Variants in PPARGC1A observed in about 807,000 individuals in gnomAD.
PPARGC1A encodes the protein PPARG coactivator 1 alpha, also known as peroxisome proliferator-activated receptor gamma coactivator 1-alpha.
In PPARGC1A, 25 loss-of-function variants were observed where a neutral mutation model predicts 88.7. That is an observed-to-expected ratio of 0.28 (90% CI 0.21 to 0.39). The LOEUF (loss-of-function observed/expected upper bound fraction) is 0.39. Ranked by LOEUF, PPARGC1A falls within the 10% of genes least tolerant of loss-of-function variation. PPARGC1A has a pLI of 1.00. For synonymous variants in PPARGC1A, 363 were observed against 355.6 expected (o/e 1.02, Z -0.24); for missense variants, 880 against 968.7 (o/e 0.91, Z 1.22).
At chr4:23,897,168 T>C (rs557741954) in intron 1 of PPARGC1A, among the ~76,000 whole-genome samples, 1 of 152,358 alleles carries the variant, frequency 6.6e-6, no homozygotes, top group Admixed American at 6.5e-5. Flanking sequence ...CCTGGGCCTT[T>C]TCTGCAGATC....
intron 2 of PPARGC1A, among the ~76,000 whole-genome samples, chr4:23,866,420 C>G (rs1365188592): frequency 6.6e-6 from 1 of 152,146 alleles, no homozygotes; most frequent in Admixed American, 6.5e-5. Context: ...AATTTCAAAA[C>G]AGCAAAGCTT....
At chr4:24,165,205 T>G in the PPARGC1A span, among the ~76,000 whole-genome samples, 7 of 152,168 alleles carry the variant, frequency 4.6e-5, no homozygotes, top group Admixed American at 4.6e-4. Context: ...TTTAATTTTT[T>G]TATTTAAAAA....
chr4:24,325,049 G>C, the PPARGC1A span, among the ~76,000 whole-genome samples: 1 of 152,100 alleles, frequency 6.6e-6, no homozygotes, highest in African/African-American at 2.4e-5. Context: ...CTCTTAAAAA[G>C]GTGGCTGGAG....
the PPARGC1A span, among the ~76,000 whole-genome samples, chr4:23,943,577 C>T: frequency 6.6e-6 from 1 of 152,020 alleles, no homozygotes; most frequent in East Asian, 1.9e-4. Flanking sequence ...TGTGGAACAT[C>T]CATGCAATGT....
chr4:24,229,685 A>T, the PPARGC1A span, among the ~76,000 whole-genome samples: 5 of 151,776 alleles, frequency 3.3e-5, no homozygotes, highest in African/African-American at 1.2e-4. Flanking sequence ...ATAAAGAATA[A>T]TAATACAAAA....
At chr4:23,836,347 A>G (rs1429706173) in intron 2 of PPARGC1A, among the ~76,000 whole-genome samples, 2 of 152,148 alleles carry the variant, frequency 1.3e-5, no homozygotes, top group African/African-American at 2.4e-5. Flanking sequence ...GTGGGTGTCA[A>G]CCTTGGGTTC....
the PPARGC1A span, among the ~76,000 whole-genome samples, chr4:24,194,869 C>A: frequency 6.6e-6 from 1 of 152,136 alleles, no homozygotes; most frequent in African/African-American, 2.4e-5. Context: ...CAACCAAAAT[C>A]TTTTCCAGCA....
the PPARGC1A span, among the ~76,000 whole-genome samples, chr4:24,464,092 G>C: frequency 4.6e-5 from 7 of 152,180 alleles, no homozygotes; most frequent in African/African-American, 1.4e-4. Flanking sequence ...ATAAAATGCA[G>C]TTGTTCCATG....
At chr4:24,465,353 A>G in the PPARGC1A span, among the ~76,000 whole-genome samples, 3 of 152,238 alleles carry the variant, frequency 2.0e-5, no homozygotes, top group Non-Finnish European at 4.4e-5. Flanking sequence ...TCCGAAAGAA[A>G]GAAACATTTT....
At chr4:23,818,839 CTTTTTTTT>C (rs762478316) in intron 7 of PPARGC1A, among the ~76,000 whole-genome samples, 4 of 49,004 alleles carry the variant, frequency 8.2e-5, no homozygotes, top group Non-Finnish European at 1.4e-4. Flanking sequence ...CCAATGGCAT[CTTTTTTTT>C]TTTTTTTTTT....
At chr4:24,342,948 G>A in the PPARGC1A span, among the ~76,000 whole-genome samples, 1 of 152,158 alleles carries the variant, frequency 6.6e-6, no homozygotes, top group African/African-American at 2.4e-5. Context: ...AGAAAACTGG[G>A]CTAGAGAGAC....
At chr4:23,951,036 C>T in the PPARGC1A span, among the ~76,000 whole-genome samples, 2,849 of 152,212 alleles carry the variant, frequency 0.019, 83 homozygotes, top group Admixed American at 0.083. Flanking sequence ...CACAATTGTT[C>T]AGTTCAACAA....
chr4:24,112,929 A>G, the PPARGC1A span, among the ~76,000 whole-genome samples: 1 of 152,214 alleles, frequency 6.6e-6, no homozygotes, highest in Non-Finnish European at 1.5e-5. Flanking sequence ...AGCTGTCAAA[A>G]ACAACTCCTA....
chr4:23,980,273 G>A, the PPARGC1A span, among the ~76,000 whole-genome samples: 151 of 149,676 alleles, frequency 1.0e-3, 4 homozygotes, highest in South Asian at 0.015. Flanking sequence ...TCATCTATCT[G>A]CTCAAACATC....
the PPARGC1A span, among the ~76,000 whole-genome samples, chr4:24,211,193 C>G: frequency 6.6e-6 from 1 of 151,928 alleles, no homozygotes; most frequent in Non-Finnish European, 1.5e-5. Flanking sequence ...AAACTCGTGA[C>G]TAGATGAAAA....
At chr4:24,184,784 C>A in the PPARGC1A span, among the ~76,000 whole-genome samples, 1 of 152,066 alleles carries the variant, frequency 6.6e-6, no homozygotes, top group African/African-American at 2.4e-5. Flanking sequence ...AAAGACAGCC[C>A]AGCTAAAATC....
the PPARGC1A span, among the ~76,000 whole-genome samples, chr4:23,934,440 C>T: frequency 6.6e-6 from 1 of 152,154 alleles, no homozygotes; most frequent in South Asian, 2.1e-4. Flanking sequence ...CCGCAACCAC[C>T]CCCTGCAGAC....
At chr4:24,021,886 C>T in the PPARGC1A span, among the ~76,000 whole-genome samples, 3 of 152,160 alleles carry the variant, frequency 2.0e-5, no homozygotes, top group Non-Finnish European at 2.9e-5. Flanking sequence ...TTAAAATGGG[C>T]CCCCAATGCA....
At chr4:23,911,371 G>A in the PPARGC1A span, among the ~76,000 whole-genome samples, 732 of 152,180 alleles carry the variant, frequency 4.8e-3, 35 homozygotes, top group East Asian at 0.099. Context: ...TCCCCATAAG[G>A]TGTCACCAAT....
Sources: gnomAD v4.1 joint callset for allele counts (sites outside exome capture counted in the v4.1 genomes callset) on GRCh38, gnomAD v4.1.1 for gene constraint, MANE v1.5 for transcripts, NCBI Gene and HGNC (gene_info 2026-07-23, HGNC 2026-07-21) for gene names.